Variants in PRKCE observed in about 807,000 individuals in gnomAD.
PRKCE encodes protein kinase C epsilon type.
Under a neutral mutation model 85.4 loss-of-function variants are expected in PRKCE, and 16 were observed. The ratio of observed to expected loss-of-function variants is 0.19; its 90% CI spans 0.13 to 0.28. The LOEUF is 0.28. PRKCE is among the 10% of genes least tolerant of loss of function. PRKCE has a pLI of 1.00. For synonymous variants in PRKCE, 388 were observed against 371.5 expected (o/e 1.04, Z -0.51); for missense variants, 573 against 975.2 (o/e 0.59, Z 5.49).
chr2:45,833,138 C>CA (rs35838849), intron 1 of PRKCE, among the ~76,000 whole-genome samples: 17,581 of 119,974 alleles, frequency 0.15, 1,361 homozygotes, highest in South Asian at 0.2. Flanking sequence ...GGCAACATGG[C>CA]AAAAAAAAAA....
At chr2:45,717,389 C>G (rs1680228044) in intron 1 of PRKCE, among the ~76,000 whole-genome samples, 1 of 152,246 alleles carries the variant, frequency 6.6e-6, no homozygotes, top group Non-Finnish European at 1.5e-5. Flanking sequence ...TCTCCCTACC[C>G]ATCACCTATC....
chr2:45,945,039 C>A (rs1291883877), intron 2 of PRKCE, among the ~76,000 whole-genome samples: 1 of 152,024 alleles, frequency 6.6e-6, no homozygotes, highest in East Asian at 1.9e-4. Flanking sequence ...CTTCCTGAGC[C>A]TTCCATTGCC....
At chr2:46,088,799 C>G (rs1449861112) in intron 11 of PRKCE, among the ~76,000 whole-genome samples, 1 of 152,128 alleles carries the variant, frequency 6.6e-6, no homozygotes, top group Non-Finnish European at 1.5e-5. Flanking sequence ...ACAGTGAGTA[C>G]AATCACCAAC....
Position 45,917,460 on chromosome 2 carries a change from C to T in PRKCE, c.413-58969C>T, listed in dbSNP as rs532799628. On this transcript the variant is annotated intron_variant, in intron 2 of 14. Transcript: ENST00000306156. ...TACAGAGTGTCAATTGGTGCATTCA[C>T]AAACCCTGAGCTAGACACAGGGTGC... 7.9e-5 allele frequency among the ~76,000 whole-genome samples: 12 copies of T among 152,336 alleles called. No individual in the cohort carries two copies. In the East Asian group the frequency reaches 2.1e-3, roughly 27 times the overall value.
At chr2:45,950,201 T>G (rs967472771) in intron 2 of PRKCE, among the ~76,000 whole-genome samples, 7 of 152,236 alleles carry the variant, frequency 4.6e-5, no homozygotes, top group African/African-American at 1.7e-4. Context: ...AAATGAAATT[T>G]TGACCAAAGG....
intron 1 of PRKCE, among the ~76,000 whole-genome samples, chr2:45,797,721 T>G (rs1351504339): frequency 6.6e-6 from 1 of 152,210 alleles, no homozygotes; most frequent in Non-Finnish European, 1.5e-5. Flanking sequence ...AGGACTGCAT[T>G]GCACTTCATA....
chr2:45,676,497 C>G (rs985467128), intron 1 of PRKCE, among the ~76,000 whole-genome samples: 1 of 152,208 alleles, frequency 6.6e-6, no homozygotes, highest in Non-Finnish European at 1.5e-5. Flanking sequence ...AACAGGAAAA[C>G]TAAGTTTATA....
intron 10 of PRKCE, among the ~76,000 whole-genome samples, chr2:46,021,023 A>T (rs766794404): frequency 7.2e-5 from 11 of 152,314 alleles, no homozygotes; most frequent in Admixed American, 5.2e-4. Context: ...GAGTTAAGTG[A>T]TAAAGCTGGG....
chr2:45,717,950 A>G (rs1325333640), intron 1 of PRKCE, among the ~76,000 whole-genome samples: 4 of 152,216 alleles, frequency 2.6e-5, no homozygotes, highest in African/African-American at 9.6e-5. Flanking sequence ...CTCCTTTTAT[A>G]TATGAGCAAA....
chr2:46,174,533 C>T (rs904694257), intron 14 of PRKCE, among the ~76,000 whole-genome samples: 1 of 152,040 alleles, frequency 6.6e-6, no homozygotes, highest in Non-Finnish European at 1.5e-5. Flanking sequence ...GGTCGGTGTC[C>T]CCGACAGGTG....
chr2:45,667,337 G>A (rs1375820563), intron 1 of PRKCE, among the ~76,000 whole-genome samples: 1 of 151,994 alleles, frequency 6.6e-6, no homozygotes, highest in African/African-American at 2.4e-5. Flanking sequence ...TTATCGAGAT[G>A]GAGTCTCACT....
chr2:46,046,758 C>G (rs1436773288), intron 10 of PRKCE, among the ~76,000 whole-genome samples: 1 of 152,122 alleles, frequency 6.6e-6, no homozygotes, highest in East Asian at 1.9e-4. Flanking sequence ...GGCAAGACCC[C>G]TTCAGGAATC....
chr2:45,655,848 A>G (rs1481532208), intron 1 of PRKCE, among the ~76,000 whole-genome samples: 5 of 22,466 alleles, frequency 2.2e-4, no homozygotes, highest in Non-Finnish European at 3.6e-4. Flanking sequence ...TGTCTCTTGA[A>G]AAAAAAAAAA....
intron 10 of PRKCE, among the ~76,000 whole-genome samples, chr2:46,071,599 A>T (rs1296545911): frequency 1.3e-5 from 2 of 152,210 alleles, no homozygotes; most frequent in Non-Finnish European, 2.9e-5. Flanking sequence ...GGATGAGGAA[A>T]GCTATAGGAA....
chr2:45,817,078 T>C (rs888448233), intron 1 of PRKCE, among the ~76,000 whole-genome samples: 3 of 149,908 alleles, frequency 2.0e-5, no homozygotes, highest in Non-Finnish European at 3.0e-5. Flanking sequence ...TGTGTGTGTG[T>C]GTGTGTGTGT....
chr2:45,792,645 G>C (rs540857259), intron 1 of PRKCE, among the ~76,000 whole-genome samples: 1 of 152,120 alleles, frequency 6.6e-6, no homozygotes, highest in Non-Finnish European at 1.5e-5. Context: ...GATAATCTAC[G>C]TAGCCTCTCT....
At chr2:45,888,742 G>A (rs1471933110) in intron 2 of PRKCE, among the ~76,000 whole-genome samples, 4 of 152,174 alleles carry the variant, frequency 2.6e-5, no homozygotes, top group Admixed American at 6.5e-5. Flanking sequence ...GTGAGCCATC[G>A]CACCTGGCCA....
At chr2:46,034,397 G>T (rs1026972983) in intron 10 of PRKCE, among the ~76,000 whole-genome samples, 1 of 152,178 alleles carries the variant, frequency 6.6e-6, no homozygotes, top group Non-Finnish European at 1.5e-5. Context: ...CCCTACTTTC[G>T]TAAGGAGGGG....
intron 2 of PRKCE, among the ~76,000 whole-genome samples, chr2:45,891,561 C>T (rs1201866459): frequency 6.6e-6 from 1 of 152,118 alleles, no homozygotes; most frequent in Non-Finnish European, 1.5e-5. Context: ...ACTGTGTGAT[C>T]AAGGTGGGCC....
Sources: allele counts gnomAD v4.1 joint callset (sites outside exome capture counted in the v4.1 genomes callset), GRCh38; gene constraint gnomAD v4.1.1; transcripts MANE v1.5; gene names NCBI Gene and HGNC (gene_info 2026-07-23, HGNC 2026-07-21).